SIPA1L3: variants seen among roughly 807,000 people sequenced by gnomAD.
SIPA1L3 encodes the protein signal-induced proliferation-associated 1-like protein 3.
SIPA1L3 carries 59 observed loss-of-function variants against 150.1 expected under a neutral mutation model. The ratio of observed to expected loss-of-function variants is 0.39; its 90% CI spans 0.32 to 0.49. SIPA1L3 has a LOEUF of 0.49. SIPA1L3 is among the 20% of genes least tolerant of loss of function. The pLI is 0.86. For missense variants in SIPA1L3, 2,211 were observed against 2,489.5 expected, an observed-to-expected ratio of 0.89 and a Z score of 2.38; for synonymous variants, 1,070 against 1,077.6, an observed-to-expected ratio of 0.99 and a Z score of 0.14.
In SIPA1L3 at chr19:38,083,015, C is replaced by T; in HGVS notation, c.1450C>T (p.Arg484Trp). The T allele has an allele frequency of 1.2e-6, 2 of 1,613,264 alleles. No individual in the cohort carries two copies. Among genetic ancestry groups the T allele is most frequent in the African/African-American group, 1.3e-5 (1 of 75,070 alleles). ...GTTGGAAGTTCCCAAGGAGCAGCAG[C>T]GGACGCAGAGTCGGCCCCGGCAGTA... is the stretch of plus-strand genomic sequence containing the variant. Reference protein sequence around the residue: ...SVLEVPKEQQRTQSRPRQYSI... With the variant: ...SVLEVPKEQQWTQSRPRQYSI... The change falls in exon 3 of 22, where the codon CGG becomes TGG. Residue 484 changes from arginine to tryptophan, a missense_variant. Transcript: ENST00000222345.
At position 38,182,713 on chromosome 19, in the gene SIPA1L3, G is replaced by A. The variant is rs61729145; in HGVS notation, c.4403G>A (p.Arg1468Gln). 36,958 of 1,613,460 alleles carry A rather than the reference G, an allele frequency of 0.023. 529 individuals carry two copies. The highest frequency in any genetic ancestry group is 0.07 in the Middle Eastern group (420 of 5,998). The change falls in exon 16 of 22, where the codon CGG (arginine) becomes CAG (glutamine). Residue 1468 changes from arginine to glutamine, a missense_variant. Arg to Gln is a conservative substitution (Grantham distance 43, BLOSUM62 1). Transcript: ENST00000222345. ...GWKRTEEPPP[R>Q]PLPFSDPKKQ... ...AAGAGAACGGAGGAGCCCCCACCAC[G>A]GCCACTCCCCTTCAGTGACCCAAAG... is the stretch of plus-strand genomic sequence containing the variant.
intron 1 of SIPA1L3, among the ~76,000 whole-genome samples, chr19:37,996,532 A>C (rs1321295216): frequency 2.6e-5 from 4 of 152,100 alleles, no homozygotes; most frequent in Non-Finnish European, 5.9e-5. Flanking sequence ...GAGAACACTT[A>C]AAGTCTACTC....
At chr19:38,076,512 G>A (rs942134019) in intron 2 of SIPA1L3, among the ~76,000 whole-genome samples, 20 of 152,090 alleles carry the variant, frequency 1.3e-4, no homozygotes, top group Non-Finnish European at 1.9e-4. Flanking sequence ...CATCATCTCC[G>A]CATGAGCAGT....
At chr19:38,025,831 A>C (rs1968496500) in intron 1 of SIPA1L3, among the ~76,000 whole-genome samples, 1 of 152,158 alleles carries the variant, frequency 6.6e-6, no homozygotes, top group Non-Finnish European at 1.5e-5. Context: ...CACCATTGTG[A>C]GGGCTTCCTA....
At chr19:38,134,087 G>A (rs759705096) in intron 10 of SIPA1L3, among the ~76,000 whole-genome samples, 3 of 151,764 alleles carry the variant, frequency 2.0e-5, no homozygotes, top group East Asian at 1.9e-4. Context: ...GTGTTCAAGC[G>A]ATTCTTCTGC....
In SIPA1L3 at chr19:38,192,266, A is replaced by G; in HGVS notation, c.4552A>G (p.Ile1518Val). The change falls in exon 17 of 22, where the codon ATC becomes GTC. Residue 1518 changes from isoleucine to valine, a missense_variant. Around this residue, in one of 5 missense-constraint regions of SIPA1L3, gnomAD observed 806 missense variants for 870.1 expected, o/e 0.93. Coordinates refer to ENST00000222345, the MANE Select transcript of SIPA1L3 (RefSeq NM_015073.3). ...CATCGAGGATGACCTGAAGAAACTC[A>G]TCATCATGGACAACCTGGGGCCAGA... The part of the protein sequence containing the change: ...STIEDDLKKL[I>V]IMDNLGPEQE... 1 of 1,613,312 alleles carries G rather than the reference A, an allele frequency of 6.2e-7. No individual in the cohort carries two copies. The highest frequency in any genetic ancestry group is 1.7e-5 in the Admixed American group (1 of 59,906).
rs34057465 is a variant in SIPA1L3, at chr19:37,927,145, C to CTTT, written c.-379+19801_-379+19803dup. On this transcript the variant is annotated intron_variant, in intron 1 of 21. Transcript: ENST00000222345. The stretch of plus-strand genomic sequence containing the variant: ...TACCCAATAGGTAGATTTTCTTTTC[C>CTTT]TTTTTTTTTTTTTTTTGAGATGGAG... Among the ~76,000 whole-genome samples, 659 of 128,450 alleles carry CTTT rather than the reference C, an allele frequency of 5.1e-3. 18 individuals carry two copies. The highest frequency in any genetic ancestry group is 0.035 in the East Asian group (156 of 4,450). The allele number at this position is 128,450 out of a possible 152,430, so 84.3% of individuals were successfully genotyped here.
At chr19:37,975,475 G>A (rs1439748646) in intron 1 of SIPA1L3, among the ~76,000 whole-genome samples, 5 of 152,106 alleles carry the variant, frequency 3.3e-5, no homozygotes, top group African/African-American at 7.2e-5. Flanking sequence ...CCACCAGCAC[G>A]TCACAGTGTG....
chr19:38,055,808 G>A (rs1969301880), intron 2 of SIPA1L3, among the ~76,000 whole-genome samples: 1 of 152,230 alleles, frequency 6.6e-6, no homozygotes, highest in Non-Finnish European at 1.5e-5. Context: ...TGAGAGTGAT[G>A]CCCCCTGCTG....
chr19:38,040,155 C>T (rs1391513793), intron 2 of SIPA1L3, among the ~76,000 whole-genome samples: 1 of 152,138 alleles, frequency 6.6e-6, no homozygotes, highest in East Asian at 1.9e-4. Context: ...TCCGTATATC[C>T]TCTCACATGT....
At chr19:38,137,204 T>G (rs1199968358) in intron 10 of SIPA1L3, among the ~76,000 whole-genome samples, 1 of 152,102 alleles carries the variant, frequency 6.6e-6, no homozygotes, top group African/African-American at 2.4e-5. Context: ...TGTTGTTGTT[T>G]TTGAGATGGA....
At chr19:38,102,036 TTTC>T (rs1372591577) in intron 6 of SIPA1L3, among the ~76,000 whole-genome samples, 1 of 151,414 alleles carries the variant, frequency 6.6e-6, no homozygotes, top group Non-Finnish European at 1.5e-5. Flanking sequence ...ATTTTTTTCT[TTTC>T]TTTTCTTTTC....
At chr19:37,997,626 C>T (rs139907824) in intron 1 of SIPA1L3, among the ~76,000 whole-genome samples, 2,809 of 144,746 alleles carry the variant, frequency 0.019, 84 homozygotes, top group African/African-American at 0.068. Flanking sequence ...CCCAGCACTT[C>T]GGGAGGCCGA....
chr19:38,009,930 T>C (rs992444534), intron 1 of SIPA1L3, among the ~76,000 whole-genome samples: 4 of 152,186 alleles, frequency 2.6e-5, no homozygotes, highest in Non-Finnish European at 5.9e-5. Flanking sequence ...GTGGAGAGCC[T>C]GCTGCTTGTT....
At chr19:37,918,844 C>T (rs925160610) in intron 1 of SIPA1L3, among the ~76,000 whole-genome samples, 1 of 151,580 alleles carries the variant, frequency 6.6e-6, no homozygotes, top group Non-Finnish European at 1.5e-5. Flanking sequence ...GCACTCCAGC[C>T]TGGGCGGCAG....
At chr19:38,088,924 A>G in intron 4 of SIPA1L3, 73 bp downstream of exon 4, 1 of 1,539,452 alleles carries the variant, frequency 6.5e-7, no homozygotes, top group South Asian at 1.1e-5. Flanking sequence ...TCTGGGGGCA[A>G]ACGCTTCCCC....
intron 1 of SIPA1L3, among the ~76,000 whole-genome samples, chr19:37,992,833 C>G (rs1967544981): frequency 6.6e-6 from 1 of 152,028 alleles, no homozygotes; most frequent in African/African-American, 2.4e-5. Context: ...ATGGGGACAG[C>G]AAGGAATCTG....
intron 1 of SIPA1L3, among the ~76,000 whole-genome samples, chr19:38,017,974 A>G (rs533255240): frequency 6.6e-6 from 1 of 152,068 alleles, no homozygotes; most frequent in Non-Finnish European, 1.5e-5. Context: ...CGCCTCGAGC[A>G]CCAGCTATGT....
intron 1 of SIPA1L3, among the ~76,000 whole-genome samples, chr19:38,026,866 T>C (rs1406409087): frequency 6.6e-6 from 1 of 152,252 alleles, no homozygotes; most frequent in Admixed American, 6.5e-5. Context: ...TCTGTGACTT[T>C]GTCACTACTA....
Sources: allele counts gnomAD v4.1 joint callset (sites outside exome capture counted in the v4.1 genomes callset), GRCh38; gene constraint gnomAD v4.1.1; regional missense constraint gnomAD v4.1.1; transcripts MANE v1.5; gene names NCBI Gene and HGNC (gene_info 2026-07-23, HGNC 2026-07-21).